Variants in F13A1 observed in about 807,000 individuals in gnomAD.
F13A1 encodes FSF, A subunit.
A neutral mutation model predicts 80.1 loss-of-function variants in F13A1; 47 were observed. The ratio of observed to expected loss-of-function variants is 0.59; its 90% CI spans 0.46 to 0.75. The LOEUF (loss-of-function observed/expected upper bound fraction) is 0.75, where lower values mean the gene tolerates loss of function less well. Among genes scored for constraint, F13A1 ranks in the 30% least tolerant of loss-of-function variants. The pLI, the probability that F13A1 is intolerant of heterozygous loss-of-function variation, is 0.00. For synonymous variants in F13A1, 349 were observed against 344.9 expected, an observed-to-expected ratio of 1.01 and a Z score of -0.13; for missense variants, 817 against 930.4, an observed-to-expected ratio of 0.88 and a Z score of 1.59.
chr6:6,276,792 A>AATT (rs1223664201), intron 3 of F13A1, among the ~76,000 whole-genome samples: 2 of 152,254 alleles, frequency 1.3e-5, no homozygotes, highest in Non-Finnish European at 2.9e-5. Context: ...AAACTGAACA[A>AATT]ATTATTATTC....
chr6:6,254,677 A>G (rs763772028), intron 4 of F13A1, among the ~76,000 whole-genome samples: 1 of 152,170 alleles, frequency 6.6e-6, no homozygotes, highest in Non-Finnish European at 1.5e-5. Context: ...ATTGGTGAAA[A>G]GGAAAGTTTT....
At chr6:6,300,335 C>G (rs1021019905) in intron 3 of F13A1, among the ~76,000 whole-genome samples, 2 of 151,004 alleles carry the variant, frequency 1.3e-5, no homozygotes, top group Non-Finnish European at 2.9e-5. Context: ...GCGCCCCTCC[C>G]CCAGCCTCTC....
In F13A1 at chr6:6,262,966, A is replaced by G. The variant is rs914509093; in HGVS notation, c.571+3592T>C. ...CCCCAAAGCCCAGGCTGCAGTCCAG[A>G]GCAATTACATCAGAATGCCTGCATG... is the stretch of plus-strand genomic sequence containing the variant. On this transcript the variant is annotated intron_variant, in intron 4 of 14. Coordinates refer to ENST00000264870, the MANE Select transcript of F13A1 (RefSeq NM_000129.4). Among the ~76,000 whole-genome samples the G allele has an allele frequency of 5.3e-5, 8 of 151,818 alleles. No homozygotes were observed. In the East Asian group the frequency reaches 1.5e-3, roughly 29 times the overall value.
At chr6:6,223,908 C>G (rs1459363575) in intron 7 of F13A1, among the ~76,000 whole-genome samples, 1 of 152,098 alleles carries the variant, frequency 6.6e-6, no homozygotes, top group Non-Finnish European at 1.5e-5. Context: ...GTAGAAATGA[C>G]TTGTGAATGA....
intron 3 of F13A1, among the ~76,000 whole-genome samples, chr6:6,269,515 G>C (rs1757892330): frequency 6.6e-6 from 1 of 151,898 alleles, no homozygotes; most frequent in Non-Finnish European, 1.5e-5. Context: ...AAAAAGGGTT[G>C]CCATTTATTA....
Position 6,164,669 on chromosome 6 carries a change from C to T in F13A1, c.1908+2789G>A, listed in dbSNP as rs539238187. ...TCTCTTCTCCCCCCCATTCTCGCTC[C>T]TTTTTCCCTCTTGTCCCTTCCTCTT... On this transcript the variant is annotated intron_variant, in intron 13 of 14. Coordinates refer to ENST00000264870, the MANE Select transcript of F13A1 (RefSeq NM_000129.4). Among the ~76,000 whole-genome samples the T allele has an allele frequency of 1.9e-3, 284 of 149,940 alleles. 1 individual carries two copies. The highest frequency in any genetic ancestry group is 6.2e-3 in the African/African-American group (254 of 40,708).
chr6:6,194,305 T>A (rs1761252627), intron 10 of F13A1, among the ~76,000 whole-genome samples: 1 of 152,116 alleles, frequency 6.6e-6, no homozygotes, highest in Non-Finnish European at 1.5e-5. Flanking sequence ...GCCTCCACCT[T>A]CCAACACCCC....
At position 6,203,126 on chromosome 6, in the gene F13A1, T is replaced by C. The variant is rs1281337057; in HGVS notation, c.1113-5800A>G. Reference sequence around the variant, plus strand: ...TCAAGTATTTTGAAACAGAATAGAATGCTATTCAGCCATAAAAATGCAGAT... The same window carrying C: ...TCAAGTATTTTGAAACAGAATAGAACGCTATTCAGCCATAAAAATGCAGAT... On this transcript the variant is annotated intron_variant, in intron 8 of 14. Transcript: ENST00000264870. Among the ~76,000 whole-genome samples, 2 of 152,228 alleles carry C rather than the reference T, an allele frequency of 1.3e-5. 1 individual carries two copies. The highest frequency in any genetic ancestry group is 4.8e-5 in the African/African-American group (2 of 41,458).
rs1310483650 is a variant in F13A1 at position 6,144,785 on chromosome 6, G to A, written c.*834C>T. 1 of 152,622 alleles carries A rather than the reference G, an allele frequency of 6.6e-6. No individual in the cohort carries two copies. Among genetic ancestry groups the A allele is most frequent in the Non-Finnish European group, 1.5e-5 (1 of 68,034 alleles). 9.5% of individuals were successfully genotyped at this position (152,622 alleles called of 1,614,324 possible). ...AAAGGAGATGATTCCTGAGAGATGG[G>A]TGAAATATAATCACTAACTAAAGAG... On this transcript the variant is annotated 3_prime_UTR_variant, in exon 15 of 15. Transcript: ENST00000264870.
intron 11 of F13A1, 55 bp from the exon 12 acceptor site, chr6:6,174,922 G>C: frequency 6.2e-7 from 1 of 1,606,616 alleles, no homozygotes; most frequent in Non-Finnish European, 8.5e-7. Context: ...CAGAGAGAAA[G>C]TCACATTAAT....
chr6:6,224,992 G>A, intron 6 of F13A1, 132 bp from the exon 7 acceptor site: 4 of 949,484 alleles, frequency 4.2e-6, no homozygotes, highest in Non-Finnish European at 6.6e-6. Context: ...TTCCACTTCT[G>A]TTCGGTTTAC....
At chr6:6,177,200 A>G (rs1037978528) in intron 11 of F13A1, among the ~76,000 whole-genome samples, 4 of 152,190 alleles carry the variant, frequency 2.6e-5, no homozygotes, top group Non-Finnish European at 5.9e-5. Flanking sequence ...AAAGTCAAAA[A>G]TATCTTTCCA....
chr6:6,170,596 C>G (rs898966074), intron 12 of F13A1, among the ~76,000 whole-genome samples: 1 of 152,272 alleles, frequency 6.6e-6, no homozygotes, highest in South Asian at 2.1e-4. Context: ...ACTGGAGCTG[C>G]CTCATCTCTT....
At chr6:6,153,306 C>A (rs1327566986) in intron 13 of F13A1, among the ~76,000 whole-genome samples, 1 of 152,098 alleles carries the variant, frequency 6.6e-6, no homozygotes, top group Non-Finnish European at 1.5e-5. Context: ...AGAAGAGGAC[C>A]CTTGCTTACT....
chr6:6,200,475 C>T (rs1467702180), intron 8 of F13A1, among the ~76,000 whole-genome samples: 4 of 150,388 alleles, frequency 2.7e-5, no homozygotes, highest in Admixed American at 6.7e-5. Flanking sequence ...CACTTGAGCC[C>T]GGGAGATCAA....
At chr6:6,313,280 CTTTTTTT>C (rs5874027) in intron 2 of F13A1, among the ~76,000 whole-genome samples, 1 of 126,786 alleles carries the variant, frequency 7.9e-6, no homozygotes, top group East Asian at 2.3e-4. Context: ...GCTAAGCCGC[CTTTTTTT>C]TTTTTTTTTT....
intron 12 of F13A1, among the ~76,000 whole-genome samples, chr6:6,168,851 T>C (rs1056293569): frequency 6.6e-6 from 1 of 152,190 alleles, no homozygotes; most frequent in African/African-American, 2.4e-5. Context: ...TGTGGGTGCA[T>C]TGAGCCATGC....
chr6:6,193,305 T>C (rs963036198), intron 10 of F13A1, among the ~76,000 whole-genome samples: 4 of 152,108 alleles, frequency 2.6e-5, no homozygotes, highest in African/African-American at 9.7e-5. Flanking sequence ...ACATGATGCT[T>C]GATCAAGCCT....
intron 3 of F13A1, among the ~76,000 whole-genome samples, chr6:6,279,466 C>T (rs1046363047): frequency 6.6e-6 from 1 of 152,120 alleles, no homozygotes. Flanking sequence ...AGAATGTTTC[C>T]ATATTTCTTG....
Sources: allele counts gnomAD v4.1 joint callset (sites outside exome capture counted in the v4.1 genomes callset), GRCh38; gene constraint gnomAD v4.1.1; transcripts MANE v1.5; gene names NCBI Gene and HGNC (gene_info 2026-07-23, HGNC 2026-07-21).